Variants in SHISA6 observed in about 807,000 individuals in gnomAD.
SHISA6 encodes the protein shisa family member 6, also known as protein shisa-6.
Under a neutral mutation model 47.9 loss-of-function variants are expected in SHISA6, and 22 were observed. The observed-to-expected ratio is 0.46, with a 90% confidence interval of 0.33 to 0.66. The LOEUF (loss-of-function observed/expected upper bound fraction) is 0.66, where lower values mean the gene tolerates loss of function less well. Among genes scored for constraint, SHISA6 ranks in the 30% least tolerant of loss-of-function variants. The probability of loss-of-function intolerance (pLI) is 0.02; values close to 1 mark genes in which losing one functional copy is unlikely to be tolerated. For missense variants in SHISA6, 680 were observed against 764.6 expected (o/e 0.89, Z 1.30); for synonymous variants, 388 against 337.8 (o/e 1.15, Z -1.63).
chr17:11,444,740 A>G (rs4792138), intron 3 of SHISA6, among the ~76,000 whole-genome samples: 18,263 of 152,238 alleles, frequency 0.12, 1,256 homozygotes, highest in Admixed American at 0.16. Flanking sequence ...TTACTTAACA[A>G]TGGTTTATAA....
intron 3 of SHISA6, among the ~76,000 whole-genome samples, chr17:11,536,056 C>A (rs973823637): frequency 2.8e-5 from 4 of 142,578 alleles, no homozygotes; most frequent in Non-Finnish European, 6.1e-5. Context: ...TTTTCCCAAA[C>A]GTGATAAATA....
At chr17:11,542,111 C>T (rs1021647461) in intron 3 of SHISA6, among the ~76,000 whole-genome samples, 12 of 152,174 alleles carry the variant, frequency 7.9e-5, no homozygotes, top group Non-Finnish European at 8.8e-5. Flanking sequence ...GCTCCACCCT[C>T]CCCGCTGATC....
intron 2 of SHISA6, among the ~76,000 whole-genome samples, chr17:11,327,342 G>A (rs533724929): frequency 6.6e-6 from 1 of 152,358 alleles, no homozygotes; most frequent in Admixed American, 6.5e-5. Context: ...CCTTGGGCAA[G>A]TCATTTCCCT....
At chr17:11,385,760 G>C (rs1281975376) in intron 3 of SHISA6, among the ~76,000 whole-genome samples, 1 of 152,108 alleles carries the variant, frequency 6.6e-6, no homozygotes, top group Non-Finnish European at 1.5e-5. Context: ...GGGATGAGGA[G>C]GGACCTACAG....
intron 2 of SHISA6, among the ~76,000 whole-genome samples, chr17:11,267,639 G>A (rs1167198271): frequency 6.6e-6 from 1 of 152,202 alleles, no homozygotes; most frequent in African/African-American, 2.4e-5. Context: ...GAGGGAACTG[G>A]AGGAAAGCTG....
intron 3 of SHISA6, among the ~76,000 whole-genome samples, chr17:11,396,189 A>G (rs1263344577): frequency 1.3e-5 from 2 of 152,202 alleles, no homozygotes; most frequent in East Asian, 3.8e-4. Context: ...TATAATTTAA[A>G]TGGATTTCCT....
At position 11,264,681 on chromosome 17, in the gene SHISA6, A is replaced by T. The variant is rs538113135; in HGVS notation, c.799+1155A>T. Among the ~76,000 whole-genome samples the T allele has an allele frequency of 9.2e-5, 14 of 152,292 alleles. 1 individual carries two copies. The highest frequency in any genetic ancestry group is 3.1e-4 in the African/African-American group (13 of 41,564). On this transcript the variant is annotated intron_variant, in intron 2 of 5. Transcript: ENST00000441885. ...GATCTGAACTAAACCTGCAATAAGG[A>T]TATATAGCCACTAGGTGGCAGTGGG...
chr17:11,452,844 A>T (rs36024971), intron 3 of SHISA6, among the ~76,000 whole-genome samples: 2 of 146,950 alleles, frequency 1.4e-5, no homozygotes, highest in Non-Finnish European at 3.0e-5. Flanking sequence ...CTCTTCCTCT[A>T]CTCCTTGTTC....
chr17:11,345,932 C>T (rs970185804), intron 2 of SHISA6, among the ~76,000 whole-genome samples: 1 of 151,900 alleles, frequency 6.6e-6, no homozygotes, highest in Non-Finnish European at 1.5e-5. Flanking sequence ...TCTTTCTTTC[C>T]AATTTGCTTA....
At chr17:11,320,970 A>G (rs183968850) in intron 2 of SHISA6, among the ~76,000 whole-genome samples, 1 of 152,326 alleles carries the variant, frequency 6.6e-6, no homozygotes, top group Admixed American at 6.5e-5. Context: ...ATGCTCTTTC[A>G]TGTCTGTATT....
rs1434826342 is a variant in SHISA6 at position 11,562,298 on chromosome 17, C to T, written c.*3994C>T. The T allele has an allele frequency of 6.6e-6, 1 of 151,928 alleles. No homozygotes were observed. Among genetic ancestry groups the T allele is most frequent in the African/African-American group, 2.4e-5 (1 of 41,356 alleles). The allele number at this position is 151,928 out of a possible 1,614,324, so 9.4% of individuals were successfully genotyped here. ...TTCCACAGGCAACTGTGCACTTGAC[C>T]CAAGGTAAAATGAAAGGGCTGCCAA... is the stretch of plus-strand genomic sequence containing the variant. On this transcript the variant is annotated 3_prime_UTR_variant, in exon 6 of 6. Transcript: ENST00000441885.
intron 2 of SHISA6, among the ~76,000 whole-genome samples, chr17:11,362,868 T>C (rs1475377234): frequency 6.6e-6 from 1 of 152,188 alleles, no homozygotes; most frequent in Non-Finnish European, 1.5e-5. Context: ...CTGACTTTCT[T>C]TACCTTTCCG....
intron 2 of SHISA6, among the ~76,000 whole-genome samples, chr17:11,337,515 A>T (rs1006094982): frequency 1.3e-5 from 2 of 152,302 alleles, no homozygotes; most frequent in Middle Eastern, 3.4e-3. Flanking sequence ...GGTGCAGGGG[A>T]TGTGACGTGG....
intron 3 of SHISA6, among the ~76,000 whole-genome samples, chr17:11,424,050 G>A (rs1309397140): frequency 6.6e-6 from 1 of 152,178 alleles, no homozygotes; most frequent in African/African-American, 2.4e-5. Flanking sequence ...AAATAGTTTA[G>A]AAGAATGTGT....
At chr17:11,499,596 CT>C (rs553931491) in intron 3 of SHISA6, among the ~76,000 whole-genome samples, 30 of 151,876 alleles carry the variant, frequency 2.0e-4, no homozygotes, top group Non-Finnish European at 7.4e-5. Context: ...TCATTCAGAA[CT>C]TTAATAGGGG....
chr17:11,366,891 G>A (rs1358762174), intron 2 of SHISA6, among the ~76,000 whole-genome samples: 4 of 152,142 alleles, frequency 2.6e-5, no homozygotes, highest in South Asian at 2.1e-4. Context: ...GTTGAAGTCC[G>A]AATTGCTGAA....
At chr17:11,487,061 G>A (rs746315393) in intron 3 of SHISA6, among the ~76,000 whole-genome samples, 1 of 152,202 alleles carries the variant, frequency 6.6e-6, no homozygotes, top group Non-Finnish European at 1.5e-5. Flanking sequence ...TTGCAGCAGA[G>A]AACTTACAAT....
intron 4 of SHISA6, among the ~76,000 whole-genome samples, chr17:11,553,963 A>G (rs536927483): frequency 6.6e-6 from 1 of 152,272 alleles, no homozygotes; most frequent in Admixed American, 6.5e-5. Context: ...TAGGAGGGAG[A>G]GTATCCCATG....
chr17:11,357,409 A>T (rs1465335751), intron 2 of SHISA6, among the ~76,000 whole-genome samples: 1 of 152,310 alleles, frequency 6.6e-6, no homozygotes, highest in South Asian at 2.1e-4. Context: ...ATACCTGCCC[A>T]TTAAGGAAAC....
Sources: allele counts gnomAD v4.1 joint callset (sites outside exome capture counted in the v4.1 genomes callset), GRCh38; gene constraint gnomAD v4.1.1; transcripts MANE v1.5; gene names NCBI Gene and HGNC (gene_info 2026-07-23, HGNC 2026-07-21).